The following IFT140 variants were observed in gnomAD, a reference collection of about 807,000 sequenced individuals.
IFT140 encodes the protein intraflagellar transport protein 140 homolog.
A neutral mutation model predicts 164.6 loss-of-function variants in IFT140; 133 were observed. The ratio of observed to expected loss-of-function variants is 0.81; its 90% CI spans 0.70 to 0.93. IFT140 has a LOEUF of 0.93. Among genes scored for constraint, IFT140 ranks in the 40% least tolerant of loss-of-function variants. The pLI is 0.00. For synonymous variants in IFT140, 860 were observed against 817.3 expected (o/e 1.05, Z -0.89); for missense variants, 2,045 against 1,972.3 (o/e 1.04, Z -0.70).
intron 24 of IFT140, chr16:1,524,321 G>C (rs1291995154): frequency 1.5e-6 from 1 of 649,804 alleles, no homozygotes; most frequent in African/African-American, 1.8e-5. Context: ...AGGAGCCCTG[G>C]AGCCTGGGAA....
chr16:1,587,551 T>C (rs2141855429), intron 8 of IFT140, among the ~76,000 whole-genome samples: 1 of 152,300 alleles, frequency 6.6e-6, no homozygotes, highest in South Asian at 2.1e-4. Context: ...AACACAGGAA[T>C]TGCAGCCCCA....
At chr16:1,517,929 C>G (rs945744926) in intron 30 of IFT140, among the ~76,000 whole-genome samples, 4 of 152,110 alleles carry the variant, frequency 2.6e-5, no homozygotes, top group Non-Finnish European at 5.9e-5. Context: ...CCTCAACCTC[C>G]TGGGCTCAAG....
chr16:1,591,146 G>A (rs903112235), intron 6 of IFT140, among the ~76,000 whole-genome samples: 7 of 152,144 alleles, frequency 4.6e-5, no homozygotes, highest in African/African-American at 1.7e-4. Flanking sequence ...GCAGGAATTC[G>A]CAGCCCACAC....
intron 26 of IFT140, 86 bp downstream of exon 26, chr16:1,523,432 G>A: frequency 2.8e-6 from 4 of 1,424,592 alleles, no homozygotes; most frequent in Non-Finnish European, 3.8e-6. Flanking sequence ...AACCAAGCAA[G>A]CAGCCATTCC....
intron 7 of IFT140, 29 bp from the exon 8 acceptor site, chr16:1,588,053 A>G: frequency 6.2e-7 from 1 of 1,603,754 alleles, no homozygotes; most frequent in South Asian, 1.1e-5. Flanking sequence ...GAGCAGAGGC[A>G]CCGTGCTTGC....
Position 1,520,309 on chromosome 16 carries a change from T to C in IFT140, c.3695A>G (p.Glu1232Gly), listed in dbSNP as rs774000109. The change falls in exon 28 of 31, where the codon GAG becomes GGG. Residue 1232 changes from glutamate (E) to glycine (G), a missense_variant. Transcript: ENST00000426508. ...MRALLKSGDT[E>G]KITFFASVSR... is the part of the protein sequence containing the mutation. ...CACGCTCGCGAAGAACGTGATTTTCTCCGTGTCTCCGGATTTGAGCAGCGC... is the reference window on the plus strand; with the variant it reads ...CACGCTCGCGAAGAACGTGATTTTCCCCGTGTCTCCGGATTTGAGCAGCGC... The C allele has an allele frequency of 8.1e-6, 13 of 1,614,086 alleles. No homozygotes were observed. The African/African-American group carries it at 1.2e-4, about 15-fold the overall frequency.
At chr16:1,584,163 C>A (rs2034735049) in intron 11 of IFT140, 54 bp downstream of exon 11, 2 of 1,525,752 alleles carry the variant, frequency 1.3e-6, no homozygotes, top group Non-Finnish European at 1.8e-6. Context: ...AACTACCTGG[C>A]CATGGGGCAG....
rs766462474 is a variant in IFT140 at position 1,587,227 on chromosome 16, A to G, written c.980T>C (p.Met327Thr). Residue 327 changes from methionine to threonine, a missense_variant, in exon 9 of 31, where the codon ATG becomes ACG. Physicochemically the swap from Met to Thr is moderately conservative, Grantham distance 81 (BLOSUM62 -1). Coordinates refer to ENST00000426508, the MANE Select transcript of IFT140 (RefSeq NM_014714.4). ...EKFGFEKGEN[M>T]NCVCYCKVKG... Reference sequence around the variant, plus strand: ...GACTTTACAGTAACACACACAGTTCATATTCTCTCCTTTCTCAAAGCCAAA... The same window carrying G: ...GACTTTACAGTAACACACACAGTTCGTATTCTCTCCTTTCTCAAAGCCAAA... 3 of 1,611,744 alleles carry G rather than the reference A, an allele frequency of 1.9e-6. No homozygotes were observed. The East Asian group carries it at 6.7e-5, about 36-fold the overall frequency.
At chr16:1,554,171 C>T (rs2032902314) in intron 19 of IFT140, 1 of 1,262,216 alleles carries the variant, frequency 7.9e-7, no homozygotes, top group Admixed American at 2.3e-5. Flanking sequence ...AGGCCCTGGC[C>T]CCATCTCCGC....
chr16:1,558,503 C>T (rs1245478840), intron 18 of IFT140, among the ~76,000 whole-genome samples: 1 of 152,250 alleles, frequency 6.6e-6, no homozygotes, highest in Non-Finnish European at 1.5e-5. Flanking sequence ...TCAGCCTGGG[C>T]AGTGAGGCCC....
chr16:1,599,103 G>A (rs1458460933), intron 4 of IFT140, among the ~76,000 whole-genome samples: 3 of 86,548 alleles, frequency 3.5e-5, no homozygotes, highest in Admixed American at 1.1e-4. Context: ...CTGCCCGGCC[G>A]AGACCCCGTC....
chr16:1,591,524 C>G (rs530317146), intron 6 of IFT140, among the ~76,000 whole-genome samples: 3 of 152,372 alleles, frequency 2.0e-5, no homozygotes, highest in Non-Finnish European at 4.4e-5. Flanking sequence ...CCGGCCACCT[C>G]TGTGTGGCTC....
chr16:1,548,763 G>A (rs527953697), intron 19 of IFT140, among the ~76,000 whole-genome samples: 1 of 152,212 alleles, frequency 6.6e-6, no homozygotes, highest in Admixed American at 6.5e-5. Context: ...GCTTCAGAAC[G>A]GCATCCACAG....
chr16:1,541,243 G>C lies in IFT140; in HGVS notation c.2400-14447C>G, dbSNP rs2031603443. On this transcript the variant is annotated intron_variant, in intron 19 of 30. Transcript: ENST00000426508. Reference sequence around the variant, plus strand: ...CCCTGACTTAAGCCACTGAGTGAAAGATTTGTGGCAGATGGGGTGACGGGG... The same window carrying C: ...CCCTGACTTAAGCCACTGAGTGAAACATTTGTGGCAGATGGGGTGACGGGG... The C allele has an allele frequency of 3.0e-6, 3 of 985,332 alleles. No homozygotes were observed. The African/African-American group carries it at 5.2e-5, about 17-fold the overall frequency. The allele number at this position is 985,332 out of a possible 1,614,324, so 61.0% of individuals were successfully genotyped here. A position where few individuals can be genotyped will look rare whatever the true frequency, so the allele number is the denominator to read the frequency against.
At chr16:1,547,801 G>T (rs998280281) in intron 19 of IFT140, among the ~76,000 whole-genome samples, 16 of 152,198 alleles carry the variant, frequency 1.1e-4, no homozygotes, top group African/African-American at 3.9e-4. Context: ...CTCCCACAGC[G>T]CTGGGATTAC....
At chr16:1,588,559 G>T (rs989969047) in intron 7 of IFT140, among the ~76,000 whole-genome samples, 1 of 77,354 alleles carries the variant, frequency 1.3e-5, no homozygotes, top group Non-Finnish European at 2.3e-5. Context: ...AGTAATAATG[G>T]CTACTGAGCA....
At chr16:1,542,703 G>A (rs1483432967) in intron 19 of IFT140, among the ~76,000 whole-genome samples, 3 of 152,260 alleles carry the variant, frequency 2.0e-5, no homozygotes, top group Non-Finnish European at 2.9e-5. Context: ...GTGCCTGCAC[G>A]AGCACATGCT....
At chr16:1,538,798 C>T (rs927233368) in intron 19 of IFT140, among the ~76,000 whole-genome samples, 9 of 152,268 alleles carry the variant, frequency 5.9e-5, no homozygotes, top group South Asian at 2.1e-4. Context: ...GGCCTCACTC[C>T]GGTCCCTGCA....
chr16:1,547,629 C>T (rs2032283442), intron 19 of IFT140, among the ~76,000 whole-genome samples: 2 of 152,180 alleles, frequency 1.3e-5, no homozygotes, highest in Admixed American at 6.5e-5. Context: ...TTCCGCCTCC[C>T]AGGTTCAAGT....
Sources: allele counts gnomAD v4.1 joint callset (sites outside exome capture counted in the v4.1 genomes callset), GRCh38; gene constraint gnomAD v4.1.1; transcripts MANE v1.5; gene names NCBI Gene and HGNC (gene_info 2026-07-23, HGNC 2026-07-21).